Variants in FGD4 observed in about 807,000 individuals in gnomAD.
FGD4 encodes FYVE, RhoGEF and PH domain containing 4.
Under a neutral mutation model 102.0 loss-of-function variants are expected in FGD4, and 42 were observed. The observed-to-expected ratio is 0.41, with a 90% CI of 0.32 to 0.53. The LOEUF (loss-of-function observed/expected upper bound fraction) is 0.53. Ranked by LOEUF, FGD4 falls within the 20% of genes least tolerant of loss-of-function variation. The pLI, the probability that FGD4 is intolerant of heterozygous loss-of-function variation, is 0.21. For synonymous variants in FGD4, 380 were observed against 375.7 expected, an observed-to-expected ratio of 1.01 and a Z score of -0.13; for missense variants, 902 against 1,078.2, an observed-to-expected ratio of 0.84 and a Z score of 2.29.
At chr12:32,638,950 T>G (rs1437532456) in intron 16 of FGD4, 155 bp downstream of exon 16, 3 of 1,485,754 alleles carry the variant, frequency 2.0e-6, no homozygotes, top group Non-Finnish European at 2.7e-6. Flanking sequence ...GTTTGTTGTT[T>G]AAGCTGATTG....
At chr12:32,510,780 A>G (rs768921689) in intron 1 of FGD4, among the ~76,000 whole-genome samples, 3 of 152,260 alleles carry the variant, frequency 2.0e-5, no homozygotes, top group Non-Finnish European at 2.9e-5. Context: ...TGTAAGAGAT[A>G]TTGTAGACAA....
intron 1 of FGD4, among the ~76,000 whole-genome samples, chr12:32,520,440 G>GTTTTTTTTT (rs1167066001): frequency 1.5e-5 from 2 of 134,112 alleles, no homozygotes; most frequent in Non-Finnish European, 1.6e-5. Flanking sequence ...TTTGTTTTTT[G>GTTTTTTTTT]TTTTTTTTTT....
chr12:32,404,986 A>T (rs146620378), intron 1 of FGD4, among the ~76,000 whole-genome samples: 9,529 of 151,820 alleles, frequency 0.063, 430 homozygotes, highest in Middle Eastern at 0.14. Context: ...CAGGCTGGAG[A>T]GCAGTGGCGC....
intron 1 of FGD4, among the ~76,000 whole-genome samples, chr12:32,423,591 CAAA>C (rs35872227): frequency 5.5e-5 from 4 of 72,888 alleles, no homozygotes; most frequent in Non-Finnish European, 9.7e-5. Flanking sequence ...GACTTCATCT[CAAA>C]AAAAAAAAAA....
chr12:32,407,046 C>T (rs996594176), intron 1 of FGD4, among the ~76,000 whole-genome samples: 9 of 150,050 alleles, frequency 6.0e-5, no homozygotes, highest in African/African-American at 1.5e-4. Flanking sequence ...CTCCTGACCT[C>T]GTGATCCACC....
intron 1 of FGD4, among the ~76,000 whole-genome samples, chr12:32,400,433 C>A (rs1248769466): frequency 6.6e-6 from 1 of 152,188 alleles, no homozygotes; most frequent in Non-Finnish European, 1.5e-5. Flanking sequence ...GGACGCTTGA[C>A]TCCCAGGCTG....
intron 1 of FGD4, among the ~76,000 whole-genome samples, chr12:32,432,676 AGGG>A: frequency 6.6e-6 from 1 of 151,936 alleles, no homozygotes; most frequent in African/African-American, 2.4e-5. Context: ...TATACAGAGA[AGGG>A]TTCTTCATCA....
At chr12:32,440,205 G>A (rs552367102) in intron 1 of FGD4, among the ~76,000 whole-genome samples, 5 of 152,282 alleles carry the variant, frequency 3.3e-5, no homozygotes, top group East Asian at 3.9e-4. Flanking sequence ...GCTGATGCTC[G>A]TAGATGTTCT....
chr12:32,564,207 T>G lies in FGD4; in HGVS notation c.237T>G (p.Gly79=), dbSNP rs1054480103. The G allele has an allele frequency of 9.1e-6, 14 of 1,535,972 alleles. No homozygotes were observed. Among genetic ancestry groups the G allele is most frequent in the African/African-American group, 1.4e-5 (1 of 73,016 alleles). Residue 79 remains glycine, a synonymous_variant, in exon 2 of 17, where the codon GGT becomes GGG. Coordinates refer to ENST00000534526, the MANE Select transcript of FGD4 (RefSeq NM_001370298.3). Reference sequence around the variant, plus strand: ...CAAGCAGCACAACCACACTGGTTGGTGAGAATGTATCTGAAGAAGAGGCTC... The same window carrying G: ...CAAGCAGCACAACCACACTGGTTGGGGAGAATGTATCTGAAGAAGAGGCTC... ...CSTSSTTTLV[G]ENVSEEEAQG...
At chr12:32,521,016 T>C (rs953607583) in intron 1 of FGD4, among the ~76,000 whole-genome samples, 6 of 152,162 alleles carry the variant, frequency 3.9e-5, no homozygotes, top group Non-Finnish European at 5.9e-5. Flanking sequence ...TTAATGAGAC[T>C]GTATAAAGTG....
intron 1 of FGD4, among the ~76,000 whole-genome samples, chr12:32,455,074 C>T (rs552124625): frequency 6.6e-6 from 1 of 152,246 alleles, no homozygotes; most frequent in Non-Finnish European, 1.5e-5. Context: ...ATTATACAAA[C>T]ACAATGAAGC....
intron 15 of FGD4, among the ~76,000 whole-genome samples, chr12:32,636,011 CTAATAATAATAATAA>C (rs147444731): frequency 8.2e-5 from 12 of 146,790 alleles, no homozygotes; most frequent in African/African-American, 2.3e-4. Flanking sequence ...GACTCTGTCT[CTAATAATAATAATAA>C]TAATAATAAT....
At chr12:32,410,736 G>A (rs1356576614) in intron 1 of FGD4, among the ~76,000 whole-genome samples, 1 of 152,020 alleles carries the variant, frequency 6.6e-6, no homozygotes, top group Non-Finnish European at 1.5e-5. Context: ...CAGTGTCTGT[G>A]GAAACCAGGG....
chr12:32,570,924 T>C (rs989799639), intron 2 of FGD4, among the ~76,000 whole-genome samples: 1 of 152,214 alleles, frequency 6.6e-6, no homozygotes, highest in Middle Eastern at 3.2e-3. Context: ...TTTGAAACTT[T>C]GTATCCTGCC....
At chr12:32,556,067 C>T (rs1944088904) in intron 1 of FGD4, among the ~76,000 whole-genome samples, 1 of 151,980 alleles carries the variant, frequency 6.6e-6, no homozygotes, top group African/African-American at 2.4e-5. Context: ...GTCTCAAACT[C>T]TTATCTTAAG....
chr12:32,483,640 T>C (rs1488417762), intron 1 of FGD4, among the ~76,000 whole-genome samples: 5 of 152,206 alleles, frequency 3.3e-5, no homozygotes. Flanking sequence ...CATTGGCATA[T>C]GGTCAGTTTG....
rs1461261633 is a variant in FGD4 at position 32,624,490 on chromosome 12, T to G, written c.1953+38T>G. 2.6e-6 allele frequency: 4 copies of G among 1,544,756 alleles called. 1 individual carries two copies. The highest frequency in any genetic ancestry group is 3.5e-6 in the Non-Finnish European group (4 of 1,129,554). On this transcript the variant is annotated intron_variant, in intron 12 of 16. Coordinates refer to ENST00000534526, the MANE Select transcript of FGD4 (RefSeq NM_001370298.3). ...TCTGTTTCCTTTTCTTTCTTTTTTT[T>G]TTTGAGGCAGAGTCTCACTCTCACC...
chr12:32,526,237 C>G (rs1338874397), intron 1 of FGD4, among the ~76,000 whole-genome samples: 4 of 152,160 alleles, frequency 2.6e-5, no homozygotes, highest in African/African-American at 7.2e-5. Flanking sequence ...GCGCACCAGT[C>G]GACACTCTGT....
intron 1 of FGD4, chr12:32,511,282 T>C (rs887218475): frequency 1.3e-5 from 2 of 152,222 alleles, no homozygotes. Context: ...AATTATATTC[T>C]GGGAAGAAAC....
Sources: allele counts gnomAD v4.1 joint callset (sites outside exome capture counted in the v4.1 genomes callset), GRCh38; gene constraint gnomAD v4.1.1; transcripts MANE v1.5; gene names NCBI Gene and HGNC (gene_info 2026-07-23, HGNC 2026-07-21).